LRGUK: variants seen among roughly 807,000 people sequenced by gnomAD.
The protein encoded by LRGUK is leucine-rich repeat and guanylate kinase domain-containing protein.
LRGUK carries 65 observed loss-of-function variants against 76.0 expected under a neutral mutation model. The observed-to-expected ratio is 0.85, with a 90% CI of 0.70 to 1.05. The LOEUF is 1.05. Ranked by LOEUF, LRGUK falls within the 50% of genes least tolerant of loss-of-function variation. The probability of loss-of-function intolerance (pLI) is 0.00; values close to 1 mark genes in which losing one functional copy is unlikely to be tolerated. For missense variants in LRGUK, 758 were observed against 732.8 expected, an observed-to-expected ratio of 1.03 and a Z score of -0.40; for synonymous variants, 268 against 265.6, an observed-to-expected ratio of 1.01 and a Z score of -0.09.
At chr7:134,212,317 C>G (rs766166328), downstream of LRGUK, among the ~76,000 whole-genome samples, 28 of 152,302 alleles carry the variant, frequency 1.8e-4, no homozygotes, top group Non-Finnish European at 3.5e-4. Flanking sequence ...ACGGACAACT[C>G]AAGATGTGAC....
At chr7:134,231,557 T>G (rs1365778282) in intron 16 of LRGUK, among the ~76,000 whole-genome samples, 1 of 140,264 alleles carries the variant, frequency 7.1e-6, no homozygotes, top group Non-Finnish European at 1.5e-5. Context: ...CGTCCCTCCC[T>G]TCCTCCCTTC....
intron 15 of LRGUK, among the ~76,000 whole-genome samples, chr7:134,207,898 C>T (rs913397373): frequency 6.6e-6 from 1 of 152,190 alleles, no homozygotes; most frequent in South Asian, 2.1e-4. Flanking sequence ...GCTCACTGAA[C>T]AAGTGCCTGC....
downstream of LRGUK, among the ~76,000 whole-genome samples, chr7:134,211,245 G>T (rs1801255345): frequency 6.6e-6 from 1 of 152,236 alleles, no homozygotes; most frequent in Non-Finnish European, 1.5e-5. Flanking sequence ...CCACCAAATT[G>T]AGCCATTCTG....
At chr7:134,225,929 T>A (rs1321987634) in intron 16 of LRGUK, among the ~76,000 whole-genome samples, 1 of 152,198 alleles carries the variant, frequency 6.6e-6, no homozygotes, top group Non-Finnish European at 1.5e-5. Context: ...AGCTTTTGTG[T>A]AGGTTATTTC....
At chr7:134,201,809 C>T (rs189557618) in intron 15 of LRGUK, among the ~76,000 whole-genome samples, 1 of 152,238 alleles carries the variant, frequency 6.6e-6, no homozygotes, top group Admixed American at 6.5e-5. Flanking sequence ...CCTTCAGGAA[C>T]AGGCTAGGCA....
intron 16 of LRGUK, among the ~76,000 whole-genome samples, chr7:134,242,265 C>G (rs551371274): frequency 4.7e-4 from 72 of 152,214 alleles, no homozygotes; most frequent in African/African-American, 1.7e-3. Flanking sequence ...AATCCAGGAG[C>G]TGGTTTTTTG....
chr7:134,210,340 C>T, downstream of LRGUK: 1 of 398,484 alleles, frequency 2.5e-6, no homozygotes, highest in Non-Finnish European at 4.4e-6. Flanking sequence ...CCTGAGCCGC[C>T]CCACGCCGAG....
chr7:134,228,562 G>T (rs1450856141), intron 16 of LRGUK, among the ~76,000 whole-genome samples: 1 of 151,942 alleles, frequency 6.6e-6, no homozygotes, highest in Non-Finnish European at 1.5e-5. Context: ...AAATATAAAT[G>T]TATTTAACAC....
chr7:134,244,253 TAGTGAAC>T (rs1236631645), intron 16 of LRGUK, among the ~76,000 whole-genome samples: 1 of 152,038 alleles, frequency 6.6e-6, no homozygotes, highest in Non-Finnish European at 1.5e-5. Context: ...ACTACCATCA[TAGTGAAC>T]AGGCAACCTA....
At chr7:134,141,997 T>C (rs1197430713) in intron 3 of LRGUK, among the ~76,000 whole-genome samples, 2 of 152,168 alleles carry the variant, frequency 1.3e-5, no homozygotes, top group Non-Finnish European at 2.9e-5. Context: ...AGGAGGCCCC[T>C]TACATAGCAT....
At chr7:134,176,186 T>C (rs891649110) in intron 8 of LRGUK, among the ~76,000 whole-genome samples, 7 of 151,896 alleles carry the variant, frequency 4.6e-5, no homozygotes, top group Non-Finnish European at 2.9e-5. Flanking sequence ...TGAGAACACA[T>C]GGACACAGGG....
intron 16 of LRGUK, among the ~76,000 whole-genome samples, chr7:134,224,800 C>T (rs1351544449): frequency 6.6e-6 from 1 of 152,108 alleles, no homozygotes; most frequent in Non-Finnish European, 1.5e-5. Context: ...TGCCTGTAAT[C>T]CCAGCACTTT....
chr7:134,151,015 C>G (rs1457444591), intron 5 of LRGUK, among the ~76,000 whole-genome samples: 1 of 152,218 alleles, frequency 6.6e-6, no homozygotes, highest in South Asian at 2.1e-4. Flanking sequence ...ATGAAATAAA[C>G]TTCTTAGATC....
At chr7:134,241,160 C>A (rs1445494461) in intron 16 of LRGUK, among the ~76,000 whole-genome samples, 1 of 152,170 alleles carries the variant, frequency 6.6e-6, no homozygotes, top group Admixed American at 6.5e-5. Context: ...AGCAAAATAA[C>A]CAGTTAACAT....
At chr7:134,255,111 A>T (rs1327587326) in intron 18 of LRGUK, among the ~76,000 whole-genome samples, 1 of 152,174 alleles carries the variant, frequency 6.6e-6, no homozygotes, top group East Asian at 1.9e-4. Context: ...AATTGAACTG[A>T]AGTATGAATG....
chr7:134,227,281 C>T (rs1027083081), intron 16 of LRGUK, among the ~76,000 whole-genome samples: 3 of 152,026 alleles, frequency 2.0e-5, no homozygotes, highest in African/African-American at 4.8e-5. Context: ...GTAAACTTAG[C>T]GAACGATGCT....
intron 7 of LRGUK, among the ~76,000 whole-genome samples, chr7:134,170,049 G>T (rs901042902): frequency 6.6e-6 from 1 of 151,830 alleles, no homozygotes. Context: ...TGTCACTCTG[G>T]TAGAGAAAAA....
chr7:134,140,841 C>G (rs185413096), intron 3 of LRGUK, among the ~76,000 whole-genome samples: 2 of 152,222 alleles, frequency 1.3e-5, no homozygotes, highest in Admixed American at 1.3e-4. Flanking sequence ...TTACAAAGCA[C>G]AAATAGAATA....
chr7:134,234,376 T>A lies in LRGUK; in HGVS notation c.1983+12458T>A, dbSNP rs567509060. ...GTGGTTGTCTGACCGCCTGCATGGCTTCAATAAATTTTGCTGAACCTACGA... is the reference window on the plus strand; with the variant it reads ...GTGGTTGTCTGACCGCCTGCATGGCATCAATAAATTTTGCTGAACCTACGA... On this transcript the variant is annotated intron_variant, in intron 16 of 19. Transcript: ENST00000285928. 1.1e-3 allele frequency among the ~76,000 whole-genome samples: 169 copies of A among 152,156 alleles called. 1 individual carries two copies. The highest frequency in any genetic ancestry group is 3.7e-3 in the African/African-American group (153 of 41,488).
Sources: gnomAD v4.1 joint callset for allele counts (sites outside exome capture counted in the v4.1 genomes callset) on GRCh38, gnomAD v4.1.1 for gene constraint, MANE v1.5 for transcripts, NCBI Gene and HGNC (gene_info 2026-07-23, HGNC 2026-07-21) for gene names.